COL17A1: variants seen among roughly 807,000 people sequenced by gnomAD.
The protein encoded by COL17A1 is collagen alpha-1(XVII) chain.
Under a neutral mutation model 218.4 loss-of-function variants are expected in COL17A1, and 181 were observed. The ratio of observed to expected loss-of-function variants is 0.83; its 90% confidence interval spans 0.73 to 0.94. The LOEUF is 0.94. Among genes scored for constraint, COL17A1 ranks in the 40% least tolerant of loss-of-function variants. The probability of loss-of-function intolerance (pLI) is 0.00; values close to 1 mark genes in which losing one functional copy is unlikely to be tolerated. For synonymous variants in COL17A1, 721 were observed against 731.0 expected, an observed-to-expected ratio of 0.99 and a Z score of 0.22; for missense variants, 1,924 against 1,945.9, an observed-to-expected ratio of 0.99 and a Z score of 0.21.
intron 9 of COL17A1, among the ~76,000 whole-genome samples, chr10:104,068,113 A>G (rs1293944984): frequency 1.3e-5 from 2 of 152,240 alleles, no homozygotes; most frequent in Non-Finnish European, 2.9e-5. Flanking sequence ...AGCACCCCAC[A>G]TCAGGTCAGG....
At chr10:104,046,836 C>A in intron 31 of COL17A1, 63 bp from the exon 32 acceptor site, 1 of 1,511,488 alleles carries the variant, frequency 6.6e-7, no homozygotes, top group East Asian at 2.3e-5. Context: ...GGTAGCCACA[C>A]CCACACCTGC....
chr10:104,055,430 C>T (rs1481243148), intron 18 of COL17A1, 29 bp from the exon 19 acceptor site: 1 of 1,492,640 alleles, frequency 6.7e-7, no homozygotes, highest in Non-Finnish European at 9.1e-7. Context: ...CCTGAGTCAG[C>T]TTCACATCTC....
intron 48 of COL17A1, 84 bp downstream of exon 48, chr10:104,036,408 G>A: frequency 6.3e-7 from 1 of 1,579,180 alleles, no homozygotes; most frequent in East Asian, 2.2e-5. Flanking sequence ...GGGTCAGTGG[G>A]GCAATCACAG....
chr10:104,048,496 G>C (rs146576457), intron 29 of COL17A1, among the ~76,000 whole-genome samples: 230 of 152,276 alleles, frequency 1.5e-3, no homozygotes, highest in African/African-American at 5.1e-3. Context: ...CCATTTCTTT[G>C]TCTTTCCCTG....
intron 2 of COL17A1, among the ~76,000 whole-genome samples, chr10:104,079,406 G>C (rs2086742979): frequency 6.6e-6 from 1 of 152,032 alleles, no homozygotes; most frequent in Admixed American, 6.6e-5. Flanking sequence ...TGTGTGTGTG[G>C]CATGCATGGG....
intron 1 of COL17A1, 144 bp downstream of exon 1, chr10:104,085,579 T>A (rs535805756): frequency 2.8e-4 from 43 of 152,480 alleles, no homozygotes; most frequent in African/African-American, 9.6e-4. Flanking sequence ...TCATCTTTTA[T>A]AACCAATTGA....
In COL17A1 at chr10:104,037,687, C is replaced by T. The variant is rs1031443499; in HGVS notation, c.3157G>A (p.Glu1053Lys). 1.5e-5 allele frequency: 25 copies of T among 1,614,022 alleles called. No individual in the cohort carries two copies. The highest frequency in any genetic ancestry group is 2.7e-5 in the African/African-American group (2 of 74,898). The change falls in exon 46 of 56, where the codon GAG becomes AAG. Residue 1053 changes from glutamate (E) to lysine (K), a missense_variant. Coordinates refer to ENST00000648076, the MANE Select transcript of COL17A1 (RefSeq NM_000494.4). ...GCCAGCTCTGAGTAGTCGAAAGTCTCGCCTGTGATGGTGGTGACAGGTCCT... is the reference window on the plus strand; with the variant it reads ...GCCAGCTCTGAGTAGTCGAAAGTCTTGCCTGTGATGGTGGTGACAGGTCCT... ...PPGPVTTITG[E>K]TFDYSELASH...
At chr10:104,032,619 G>A (rs1311206785) in intron 55 of COL17A1, 55 bp downstream of exon 55, 6 of 1,534,714 alleles carry the variant, frequency 3.9e-6, no homozygotes, top group African/African-American at 2.7e-5. Context: ...TCTCTAATGA[G>A]CGTCAGCCTT....
intron 32 of COL17A1, 25 bp from the exon 33 acceptor site, chr10:104,045,818 A>G: frequency 1.2e-6 from 2 of 1,602,010 alleles, no homozygotes; most frequent in Non-Finnish European, 1.7e-6. Context: ...ACAAGTAGTC[A>G]GGACGATGAA....
At chr10:104,036,995 A>G (rs2086306086) in intron 47 of COL17A1, 50 bp downstream of exon 47, 1 of 1,519,060 alleles carries the variant, frequency 6.6e-7, no homozygotes, top group South Asian at 1.2e-5. Context: ...GAGTGAGGCC[A>G]GGAGAAAGCA....
intron 19 of COL17A1, 132 bp downstream of exon 19, chr10:104,055,240 A>G (rs1173701636): frequency 1.8e-5 from 28 of 1,521,532 alleles, no homozygotes; most frequent in Non-Finnish European, 2.4e-5. Context: ...ATACCTCCCA[A>G]CAGATACCAT....
At chr10:104,033,076 G>T (rs1217295720) in intron 53 of COL17A1, 108 bp from the exon 54 acceptor site, 1 of 1,517,270 alleles carries the variant, frequency 6.6e-7, no homozygotes, top group Non-Finnish European at 9.0e-7. Context: ...GAGTTTGGAC[G>T]TGTAAGAGGA....
In COL17A1 at chr10:104,078,173, T is replaced by C. The variant is rs2086728526; in HGVS notation, c.97+369A>G. On this transcript the variant is annotated intron_variant, in intron 3 of 55. Transcript: ENST00000648076. ...TGGTAGCCCCCAATCCTTGTTCAGGTTAGATCAGATATCCAATATTTTAGC... is the reference window on the plus strand; with the variant it reads ...TGGTAGCCCCCAATCCTTGTTCAGGCTAGATCAGATATCCAATATTTTAGC... Among the ~76,000 whole-genome samples the C allele has an allele frequency of 3.3e-5, 5 of 152,126 alleles. No individual in the cohort carries two copies. In the South Asian group the frequency reaches 1.0e-3, roughly 31 times the overall value.
intron 51 of COL17A1, 125 bp from the exon 52 acceptor site, chr10:104,034,459 T>G (rs1181174792): frequency 2.0e-6 from 3 of 1,471,996 alleles, no homozygotes; most frequent in Non-Finnish European, 1.8e-6. Context: ...TCAGGGTTCT[T>G]GTACCCGAGT....
chr10:104,083,838 A>G (rs1219213000), intron 1 of COL17A1, among the ~76,000 whole-genome samples: 1 of 152,240 alleles, frequency 6.6e-6, no homozygotes, highest in Non-Finnish European at 1.5e-5. Flanking sequence ...TTTTTGTTTT[A>G]GGAACAAATG....
At chr10:104,039,944 G>A (rs1239875790) in intron 41 of COL17A1, 29 bp downstream of exon 41, 9 of 1,614,148 alleles carry the variant, frequency 5.6e-6, no homozygotes, top group Non-Finnish European at 7.6e-6. Context: ...CCCTACCCCA[G>A]GTTTTGTTTG....
intron 20 of COL17A1, 134 bp downstream of exon 20, chr10:104,054,847 C>T (rs534271168): frequency 2.1e-6 from 3 of 1,410,432 alleles, no homozygotes; most frequent in Non-Finnish European, 2.9e-6. Flanking sequence ...GAAACCTCTC[C>T]TCCTCACACA....
rs957297740 is a variant in COL17A1, at chr10:104,056,530, C to T, written c.1465+445G>A. Among the ~76,000 whole-genome samples, 5 of 151,656 alleles carry T rather than the reference C, an allele frequency of 3.3e-5. No homozygotes were observed. The East Asian group carries it at 7.8e-4, about 24-fold the overall frequency. On this transcript the variant is annotated intron_variant, in intron 17 of 55. Coordinates refer to ENST00000648076, the MANE Select transcript of COL17A1 (RefSeq NM_000494.4). ...TCAGGAGGCGGAGGTTGCAGTGAGC[C>T]GAGATTGCACCACTGCACTCCAGCC... is the stretch of plus-strand genomic sequence containing the variant.
At chr10:104,075,089 CT>C in intron 5 of COL17A1, among the ~76,000 whole-genome samples, 1 of 152,314 alleles carries the variant, frequency 6.6e-6, no homozygotes, top group East Asian at 1.9e-4. Context: ...TGTTCTCTGG[CT>C]TTTCTTTCTC....
Sources: gnomAD v4.1 joint callset for allele counts (sites outside exome capture counted in the v4.1 genomes callset) on GRCh38, gnomAD v4.1.1 for gene constraint, MANE v1.5 for transcripts, NCBI Gene and HGNC (gene_info 2026-07-23, HGNC 2026-07-21) for gene names.